The following STAT5B variants were observed in gnomAD, a reference collection of about 807,000 sequenced individuals.
STAT5B encodes signal transducer and activator of transcription 5B.
In STAT5B, 21 loss-of-function variants were observed where a neutral mutation model predicts 107.8. That is an observed-to-expected ratio of 0.19 (90% CI 0.14 to 0.28). The LOEUF (loss-of-function observed/expected upper bound fraction) is 0.28, where lower values mean the gene tolerates loss of function less well. Ranked by LOEUF, STAT5B falls within the 10% of genes least tolerant of loss-of-function variation. STAT5B has a pLI of 1.00. For synonymous variants in STAT5B, 325 were observed against 401.7 expected, an observed-to-expected ratio of 0.81 and a Z score of 2.28; for missense variants, 565 against 1,008.2, an observed-to-expected ratio of 0.56 and a Z score of 5.95.
chr17:42,277,072 G>A (rs1389593631), upstream of STAT5B, among the ~76,000 whole-genome samples: 1 of 152,200 alleles, frequency 6.6e-6, no homozygotes. Flanking sequence ...CTGCGGGAGG[G>A]ACTGCTCTCT....
Position 42,219,763 on chromosome 17 carries a change from A to C in STAT5B, c.630T>G (p.Ser210=). 1 of 1,611,606 alleles carries C rather than the reference A, an allele frequency of 6.2e-7. No individual in the cohort carries two copies. The part of the protein sequence containing the change: ...RETALQQKQV[S]LEAWLQREAQ... Reference sequence around the variant, plus strand: ...CCTCACGCTGCAACCAGGCCTCCAGAGACACCTGCTTCTGCTGGAGGGCCG... The same window carrying C: ...CCTCACGCTGCAACCAGGCCTCCAGCGACACCTGCTTCTGCTGGAGGGCCG... Residue 210 remains serine (S), a synonymous_variant, in exon 6 of 19, where the codon TCT becomes TCG. Transcript: ENST00000293328.
chr17:42,215,652 T>C (rs1005062103), intron 12 of STAT5B, among the ~76,000 whole-genome samples: 2 of 152,110 alleles, frequency 1.3e-5, no homozygotes, highest in African/African-American at 4.8e-5. Flanking sequence ...GGAGTCTCAC[T>C]CTGTCACCCA....
At chr17:42,244,509 C>G (rs1187042155) in intron 1 of STAT5B, among the ~76,000 whole-genome samples, 1 of 152,162 alleles carries the variant, frequency 6.6e-6, no homozygotes, top group Non-Finnish European at 1.5e-5. Context: ...TCCTCAGCTA[C>G]TACAATACCC....
In STAT5B at chr17:42,263,006, ATATATATAT is replaced by A. The variant is rs1463080172; in HGVS notation, c.-11+13233_-11+13241del. Among the ~76,000 whole-genome samples, 10 of 45,640 alleles carry A rather than the reference ATATATATAT, an allele frequency of 2.2e-4. 2 individuals carry two copies. Among genetic ancestry groups the A allele is most frequent in the African/African-American group, 1.0e-3 (7 of 6,806 alleles). The allele number at this position is 45,640 out of a possible 152,430, so 29.9% of individuals were successfully genotyped here. On this transcript the variant is annotated intron_variant, in intron 1 of 18. Coordinates refer to ENST00000293328, the MANE Select transcript of STAT5B (RefSeq NM_012448.4). Reference sequence around the variant, plus strand: ...TATATATATATATATATATATATATATATATATATAAAAAAACAAAAACAATTTTTTTTT... The same window carrying A: ...TATATATATATATATATATATATATAAAAAAAACAAAAACAATTTTTTTTT...
At chr17:42,259,071 C>T (rs1567675549) in intron 1 of STAT5B, among the ~76,000 whole-genome samples, 2 of 152,146 alleles carry the variant, frequency 1.3e-5, no homozygotes, top group East Asian at 1.9e-4. Flanking sequence ...TAAAGTTAAA[C>T]AACACTCTGA....
At chr17:42,258,589 G>A (rs553164136) in intron 1 of STAT5B, among the ~76,000 whole-genome samples, 1 of 152,252 alleles carries the variant, frequency 6.6e-6, no homozygotes, top group Non-Finnish European at 1.5e-5. Flanking sequence ...TGAGGCACGA[G>A]AATCACTTGA....
Position 42,200,931 on chromosome 17 carries a change from G to T in STAT5B, c.*807C>A. The stretch of plus-strand genomic sequence containing the variant: ...CTCCACTCTGGCCAGAACACAAACG[G>T]CATTGGCACTGTAAGCTCTCAGTTA... On this transcript the variant is annotated 3_prime_UTR_variant, in exon 19 of 19. Coordinates refer to ENST00000293328, the MANE Select transcript of STAT5B (RefSeq NM_012448.4). 2.5e-6 allele frequency: 1 copy of T among 397,376 alleles called. No individual in the cohort carries two copies. The highest frequency in any genetic ancestry group is 4.4e-6 in the Non-Finnish European group (1 of 225,828). The allele number at this position is 397,376 out of a possible 1,614,324, so 24.6% of individuals were successfully genotyped here. A position where few individuals can be genotyped will look rare whatever the true frequency, so the allele number is the denominator to read the frequency against.
intron 1 of STAT5B, among the ~76,000 whole-genome samples, chr17:42,244,007 T>C (rs2080428899): frequency 6.6e-6 from 1 of 151,618 alleles, no homozygotes; most frequent in African/African-American, 2.4e-5. Context: ...TTAATGACCA[T>C]CTGCATTACG....
At chr17:42,231,936 T>C in intron 2 of STAT5B, 64 bp downstream of exon 2, 1 of 1,607,800 alleles carries the variant, frequency 6.2e-7, no homozygotes, top group Non-Finnish European at 8.5e-7. Flanking sequence ...ATGACATCTT[T>C]CTAAACAAAC....
intron 1 of STAT5B, among the ~76,000 whole-genome samples, chr17:42,255,857 G>C (rs558528939): frequency 1.3e-5 from 2 of 152,268 alleles, no homozygotes; most frequent in East Asian, 3.9e-4. Context: ...TTGGGAGGCC[G>C]AGGGCGGTTC....
At chr17:42,220,900 G>A (rs1204001406) in intron 5 of STAT5B, among the ~76,000 whole-genome samples, 3 of 151,990 alleles carry the variant, frequency 2.0e-5, no homozygotes, top group Non-Finnish European at 4.4e-5. Flanking sequence ...AACCACCACC[G>A]CAGGCCCACC....
At chr17:42,243,124 A>T (rs1030810472) in intron 1 of STAT5B, among the ~76,000 whole-genome samples, 19 of 132,948 alleles carry the variant, frequency 1.4e-4, no homozygotes, top group East Asian at 6.1e-4. Context: ...ATGATCAATT[A>T]AAAAAAAAAA....
At chr17:42,277,606 T>C (rs913150246), upstream of STAT5B, among the ~76,000 whole-genome samples, 1 of 152,156 alleles carries the variant, frequency 6.6e-6, no homozygotes, top group African/African-American at 2.4e-5. Context: ...TCAGGGAGCT[T>C]GGAGGCCAGA....
chr17:42,262,859 CATATATGTGTGTGTATATATACACAT>C (rs1342899147), intron 1 of STAT5B, among the ~76,000 whole-genome samples: 11 of 114,548 alleles, frequency 9.6e-5, no homozygotes, highest in East Asian at 2.6e-4. Context: ...TATATACACA[CATATATGTGTGTGTATATATACACAT>C]ATATATGTGT....
chr17:42,220,115 T>C (rs1330136741), intron 5 of STAT5B, among the ~76,000 whole-genome samples: 6 of 152,188 alleles, frequency 3.9e-5, no homozygotes, highest in African/African-American at 1.4e-4. Flanking sequence ...GCCTGCCTCC[T>C]GCCCGCCTGC....
chr17:42,253,718 C>T (rs1233852626), intron 1 of STAT5B, among the ~76,000 whole-genome samples: 1 of 151,930 alleles, frequency 6.6e-6, no homozygotes, highest in African/African-American at 2.4e-5. Flanking sequence ...TTCTGTGGCC[C>T]AGACTGGAGA....
intron 1 of STAT5B, among the ~76,000 whole-genome samples, chr17:42,255,812 C>T (rs189617733): frequency 5.9e-5 from 9 of 152,284 alleles, no homozygotes; most frequent in Non-Finnish European, 1.2e-4. Context: ...TGAAAATGGC[C>T]GGGCACAGCG....
Position 42,267,426 on chromosome 17 carries a change from T to C in STAT5B, c.-11+8822A>G, listed in dbSNP as rs528646251. On this transcript the variant is annotated intron_variant, in intron 1 of 18. Coordinates refer to ENST00000293328, the MANE Select transcript of STAT5B (RefSeq NM_012448.4). ...AAGATGTGGAGGTGCAAGACAGTGA[T>C]ACTGATGACCCTGACCCTGTGTAGG... 3.3e-5 allele frequency among the ~76,000 whole-genome samples: 5 copies of C among 152,358 alleles called. No homozygotes were observed. In the South Asian group the frequency reaches 1.0e-3, roughly 32 times the overall value.
At position 42,217,205 on chromosome 17, in the gene STAT5B, T is replaced by C. The variant is rs111880437; in HGVS notation, c.1335A>G (p.Glu445=). The C allele has an allele frequency of 4.3e-4, 689 of 1,614,132 alleles. 5 individuals carry two copies. In the African/African-American group the frequency reaches 7.5e-3, roughly 18 times the overall value. ...VTEEKFTILF[E]SQFSVGGNEL... ...CATTTCCACCAACACTGAACTGGGA[T>C]TCAAACAGGATTGTAAATTTTTCTT... is the stretch of plus-strand genomic sequence containing the variant. Residue 445 remains glutamate (E), a synonymous_variant, in exon 11 of 19, where the codon GAA becomes GAG. Coordinates refer to ENST00000293328, the MANE Select transcript of STAT5B (RefSeq NM_012448.4).
Sources: allele counts gnomAD v4.1 joint callset (sites outside exome capture counted in the v4.1 genomes callset), GRCh38; gene constraint gnomAD v4.1.1; transcripts MANE v1.5; gene names NCBI Gene and HGNC (gene_info 2026-07-23, HGNC 2026-07-21).